Variants in DYNC2LI1 observed in about 807,000 individuals in gnomAD.
DYNC2LI1 encodes cytoplasmic dynein 2 light intermediate chain 1.
DYNC2LI1 carries 45 observed loss-of-function variants against 51.9 expected under a neutral mutation model. The ratio of observed to expected loss-of-function variants is 0.87; its 90% confidence interval spans 0.68 to 1.11. DYNC2LI1 has a LOEUF of 1.11. Ranked by LOEUF, DYNC2LI1 falls within the 50% of genes most tolerant of loss-of-function variation. The pLI is 0.00. For synonymous variants in DYNC2LI1, 130 were observed against 137.8 expected, an observed-to-expected ratio of 0.94 and a Z score of 0.40; for missense variants, 490 against 417.4, an observed-to-expected ratio of 1.17 and a Z score of -1.51.
intron 6 of DYNC2LI1, chr2:43,795,242 A>C: frequency 5.1e-5 from 49 of 962,984 alleles, no homozygotes; most frequent in East Asian, 1.1e-4. Flanking sequence ...GCGATGGCTC[A>C]TGCTTGTAAT....
chr2:43,823,931 G>T, the DYNC2LI1 span: 1 of 1,614,194 alleles, frequency 6.2e-7, no homozygotes. Flanking sequence ...ACAGCGTTCA[G>T]CATGCCTGTG....
chr2:43,774,247 T>A, intron 1 of DYNC2LI1, 101 bp downstream of exon 1: 3 of 1,483,014 alleles, frequency 2.0e-6, no homozygotes, highest in Non-Finnish European at 2.8e-6. Context: ...TGGGGGTGGC[T>A]ACTTGCCACC....
At chr2:43,806,352 A>T (rs573051497) in intron 12 of DYNC2LI1, among the ~76,000 whole-genome samples, 9 of 152,334 alleles carry the variant, frequency 5.9e-5, no homozygotes, top group Admixed American at 3.9e-4. Flanking sequence ...GGTAACCTGA[A>T]AACAGCTGTC....
At chr2:43,804,898 T>TAA (rs200696232) in intron 11 of DYNC2LI1, among the ~76,000 whole-genome samples, 159 bp downstream of exon 11, 1,638 of 144,496 alleles carry the variant, frequency 0.011, 37 homozygotes, top group African/African-American at 0.039. Flanking sequence ...CTGTGGGGGT[T>TAA]AAAAAAAAAA....
At chr2:43,801,738 CTT>C (rs900709111) in intron 10 of DYNC2LI1, 29 bp downstream of exon 10, 1 of 1,544,606 alleles carries the variant, frequency 6.5e-7, no homozygotes, top group African/African-American at 1.4e-5. Flanking sequence ...ATTGTTCAAT[CTT>C]TTTTTAATTG....
chr2:43,827,673 A>T, the DYNC2LI1 span, among the ~76,000 whole-genome samples: 1 of 152,188 alleles, frequency 6.6e-6, no homozygotes, highest in Non-Finnish European at 1.5e-5. Context: ...ACACAGTGGT[A>T]TTGCCCTGGT....
At chr2:43,813,425 A>C (rs1572736107), downstream of DYNC2LI1, 112 of 730,826 alleles carry the variant, frequency 1.5e-4, no homozygotes, top group Middle Eastern at 7.1e-4. Flanking sequence ...ACACTTTAGC[A>C]AGCCCAGAGT....
At chr2:43,817,692 C>T in the DYNC2LI1 span, among the ~76,000 whole-genome samples, 10 of 151,694 alleles carry the variant, frequency 6.6e-5, no homozygotes, top group African/African-American at 2.2e-4. Flanking sequence ...GGCAGATCAC[C>T]TGAGGTCAGG....
chr2:43,822,734 G>A, the DYNC2LI1 span: 170 of 1,611,664 alleles, frequency 1.1e-4, no homozygotes, highest in African/African-American at 6.1e-4. Context: ...CTCCCTGCAC[G>A]AGTCCCACTA....
chr2:43,801,636 T>C lies in DYNC2LI1; in HGVS notation c.732-3T>C. The C allele has an allele frequency of 6.2e-7, 1 of 1,605,976 alleles. No homozygotes were observed. The highest frequency in any genetic ancestry group is 8.5e-7 in the Non-Finnish European group (1 of 1,175,534). ...ATTTAGAATCTTTCTCTTCTCCACG[T>C]AGCAAATCAATATGTGTGGATCAGA... is the stretch of plus-strand genomic sequence containing the variant. On this transcript the variant is annotated splice_polypyrimidine_tract_variant and splice_region_variant and intron_variant, in intron 9 of 12. Coordinates refer to ENST00000260605, the MANE Select transcript of DYNC2LI1 (RefSeq NM_016008.4).
intron 5 of DYNC2LI1, among the ~76,000 whole-genome samples, chr2:43,790,927 G>C (rs1673752743): frequency 6.6e-6 from 1 of 152,226 alleles, no homozygotes; most frequent in East Asian, 1.9e-4. Context: ...AGAAGAGATG[G>C]TGAGGGGCCA....
downstream of DYNC2LI1, chr2:43,810,576 C>A: frequency 1.1e-6 from 1 of 938,610 alleles, no homozygotes; most frequent in Non-Finnish European, 1.3e-6. Context: ...TCTTCCATGT[C>A]CACATACAAA....
rs550819331 is a variant in DYNC2LI1 at position 43,795,357 on chromosome 2, A to G, written c.508-533A>G. On this transcript the variant is annotated intron_variant, in intron 6 of 12. Coordinates refer to ENST00000260605, the MANE Select transcript of DYNC2LI1 (RefSeq NM_016008.4). ...CGTCTCTACTTAAGATACTAAAATTAGCTGGGTGTGGTGGTACATGCCTGT... is the reference window on the plus strand; with the variant it reads ...CGTCTCTACTTAAGATACTAAAATTGGCTGGGTGTGGTGGTACATGCCTGT... Among the ~76,000 whole-genome samples the G allele has an allele frequency of 7.2e-5, 11 of 152,246 alleles. No homozygotes were observed. In the South Asian group the frequency reaches 1.0e-3, roughly 14 times the overall value.
At chr2:43,785,923 A>C (rs1049777929) in intron 3 of DYNC2LI1, among the ~76,000 whole-genome samples, 1 of 150,008 alleles carries the variant, frequency 6.7e-6, no homozygotes, top group African/African-American at 2.5e-5. Flanking sequence ...ATTTAATACT[A>C]CTGAATTGTA....
At chr2:43,822,699 G>A in the DYNC2LI1 span, 11 of 1,509,974 alleles carry the variant, frequency 7.3e-6, no homozygotes, top group Non-Finnish European at 1.8e-6. Context: ...AGATCCTCCA[G>A]AGCAGAGAAC....
At position 43,776,900 on chromosome 2, in the gene DYNC2LI1, GT is replaced by G; in HGVS notation, c.126+2del. On this transcript the variant is annotated splice_donor_variant, in intron 2 of 12. Transcript: ENST00000260605. LOFTEE classifies it high-confidence loss of function. The stretch of plus-strand genomic sequence containing the variant: ...TTTCTTCATTGGCAGTAAAAATGGG[GT>G]AATGCTTTCTTTTTTTCAATTATTG... 7.0e-7 allele frequency: 1 copy of G among 1,418,710 alleles called. No individual in the cohort carries two copies. The highest frequency in any genetic ancestry group is 9.9e-7 in the Non-Finnish European group (1 of 1,013,848). The allele number at this position is 1,418,710 out of a possible 1,614,324, so 87.9% of individuals were successfully genotyped here.
chr2:43,774,106 C>T lies in DYNC2LI1; in HGVS notation c.-33C>T. 6.2e-7 allele frequency: 1 copy of T among 1,613,552 alleles called. No individual in the cohort carries two copies. Among genetic ancestry groups the T allele is most frequent in the Non-Finnish European group, 8.5e-7 (1 of 1,179,798 alleles). ...ATTCTAGGCTGGTCACTACTCCGAG[C>T]CTGTGACGTTTGCGGCAGCCAGGCC... On this transcript the variant is annotated 5_prime_UTR_variant, in exon 1 of 13. Coordinates refer to ENST00000260605, the MANE Select transcript of DYNC2LI1 (RefSeq NM_016008.4).
chr2:43,796,582 A>T, intron 7 of DYNC2LI1, 136 bp from the exon 8 acceptor site: 1 of 635,674 alleles, frequency 1.6e-6, no homozygotes, highest in Non-Finnish European at 2.7e-6. Flanking sequence ...TGAAATAAAT[A>T]TCAAGGTAAT....
intron 4 of DYNC2LI1, among the ~76,000 whole-genome samples, chr2:43,788,915 G>A (rs192996810): frequency 2.6e-5 from 4 of 152,316 alleles, no homozygotes; most frequent in Admixed American, 2.0e-4. Context: ...GTTTACAGGT[G>A]TGAACCACTG....
Sources: gnomAD v4.1 joint callset for allele counts (sites outside exome capture counted in the v4.1 genomes callset) on GRCh38, gnomAD v4.1.1 for gene constraint, MANE v1.5 for transcripts, NCBI Gene and HGNC (gene_info 2026-07-23, HGNC 2026-07-21) for gene names.